Variants in STK3 observed in about 807,000 individuals in gnomAD.
STK3 encodes the protein serine/threonine-protein kinase 3.
In STK3, 41 loss-of-function variants were observed where a neutral mutation model predicts 58.0. The observed-to-expected ratio is 0.71, with a 90% CI of 0.55 to 0.92. STK3 has a LOEUF of 0.92. Ranked by LOEUF, STK3 falls within the 40% of genes least tolerant of loss-of-function variation. The pLI is 0.00. For missense variants in STK3, 479 were observed against 602.7 expected, an observed-to-expected ratio of 0.79 and a Z score of 2.15; for synonymous variants, 170 against 191.0, an observed-to-expected ratio of 0.89 and a Z score of 0.91.
intron 3 of STK3, chr8:98,413,018 T>C (rs78350969): frequency 9.0e-6 from 2 of 221,408 alleles, no homozygotes; most frequent in Non-Finnish European, 1.8e-5. Context: ...TTTGTTTTGC[T>C]TTGTTTTTGT....
intron 4 of STK3, among the ~76,000 whole-genome samples, chr8:98,714,962 C>G (rs1411670477): frequency 6.6e-6 from 1 of 152,108 alleles, no homozygotes; most frequent in Admixed American, 6.5e-5. Context: ...GAACAGAGCC[C>G]TCAGAAATAA....
At chr8:98,700,780 C>G (rs1273085873) in intron 6 of STK3, among the ~76,000 whole-genome samples, 4 of 152,140 alleles carry the variant, frequency 2.6e-5, no homozygotes, top group Non-Finnish European at 4.4e-5. Flanking sequence ...AGGTACTTCT[C>G]CTGCTGTCCA....
chr8:98,883,757 T>C (rs960145591), exon 2 of STK3: 2 of 702,712 alleles, frequency 2.8e-6, no homozygotes, highest in African/African-American at 3.5e-5. Context: ...GTTGTAACAT[T>C]TCCTCCACTG....
intron 1 of STK3, among the ~76,000 whole-genome samples, chr8:98,933,084 C>T (rs1024257533): frequency 3.3e-5 from 5 of 152,324 alleles, no homozygotes; most frequent in African/African-American, 4.8e-5. Context: ...AACTCCAACA[C>T]ATAGAATGGG....
At chr8:98,772,383 T>C (rs1831372068) in intron 2 of STK3, among the ~76,000 whole-genome samples, 1 of 152,124 alleles carries the variant, frequency 6.6e-6, no homozygotes, top group African/African-American at 2.4e-5. Context: ...ATGGTGAGTT[T>C]TCACAGGATG....
At chr8:98,436,003 C>G (rs970214554) in intron 2 of STK3, among the ~76,000 whole-genome samples, 1 of 152,186 alleles carries the variant, frequency 6.6e-6, no homozygotes, top group Non-Finnish European at 1.5e-5. Context: ...CTGTGACCGG[C>G]CTCTGTTCCC....
At chr8:98,350,350 C>A in the STK3 span, among the ~76,000 whole-genome samples, 1 of 152,228 alleles carries the variant, frequency 6.6e-6, no homozygotes, top group East Asian at 1.9e-4. Flanking sequence ...GTATCATTAT[C>A]AGCATTTTGG....
At chr8:98,920,717 C>T (rs1839526254) in intron 1 of STK3, among the ~76,000 whole-genome samples, 1 of 151,920 alleles carries the variant, frequency 6.6e-6, no homozygotes, top group South Asian at 2.1e-4. Flanking sequence ...CAGCCATGCT[C>T]ACTGCCTGGC....
intron 6 of STK3, among the ~76,000 whole-genome samples, chr8:98,699,748 C>T (rs1429980494): frequency 5.9e-5 from 9 of 152,264 alleles, no homozygotes; most frequent in East Asian, 1.9e-4. Flanking sequence ...AGTACCCGGC[C>T]GTGTGAGGTG....
At chr8:98,345,750 C>G in the STK3 span, among the ~76,000 whole-genome samples, 1 of 151,918 alleles carries the variant, frequency 6.6e-6, no homozygotes, top group South Asian at 2.1e-4. Context: ...AACAGGACAC[C>G]AAAATAGTTT....
At chr8:98,738,220 C>G (rs1056369290) in intron 4 of STK3, among the ~76,000 whole-genome samples, 1 of 152,148 alleles carries the variant, frequency 6.6e-6, no homozygotes, top group Non-Finnish European at 1.5e-5. Context: ...GCTCATGCCT[C>G]TAATCTCAAC....
At chr8:98,462,715 C>G (rs1011872506) in intron 10 of STK3, among the ~76,000 whole-genome samples, 1 of 152,162 alleles carries the variant, frequency 6.6e-6, no homozygotes, top group East Asian at 1.9e-4. Context: ...TCATTCACAT[C>G]TTGAATAGTT....
chr8:98,755,526 A>G (rs1382205814), intron 3 of STK3, among the ~76,000 whole-genome samples: 3 of 152,230 alleles, frequency 2.0e-5, no homozygotes, highest in African/African-American at 7.2e-5. Context: ...GCACTGGAGT[A>G]TGTGAAAAAC....
intron 1 of STK3, among the ~76,000 whole-genome samples, chr8:98,931,181 G>A (rs902918836): frequency 1.3e-5 from 2 of 152,166 alleles, no homozygotes; most frequent in South Asian, 2.1e-4. Context: ...AGTGGCCAAG[G>A]GATGAGCTGA....
chr8:98,702,735 G>A (rs1051416801), intron 6 of STK3, among the ~76,000 whole-genome samples: 3 of 152,108 alleles, frequency 2.0e-5, no homozygotes, highest in Non-Finnish European at 4.4e-5. Flanking sequence ...AGAACTCTGT[G>A]AGGATGAATG....
At chr8:98,485,041 A>G (rs1000843132) in intron 10 of STK3, among the ~76,000 whole-genome samples, 56 of 152,178 alleles carry the variant, frequency 3.7e-4, no homozygotes, top group African/African-American at 1.3e-3. Flanking sequence ...GGAGTTCAAG[A>G]TCAGCCTAGC....
chr8:98,410,272 A>G (rs1217714200), intron 3 of STK3, among the ~76,000 whole-genome samples: 1 of 152,182 alleles, frequency 6.6e-6, no homozygotes, highest in Non-Finnish European at 1.5e-5. Flanking sequence ...GTGAAAACAC[A>G]TGTGGACTCA....
intron 10 of STK3, among the ~76,000 whole-genome samples, chr8:98,458,734 A>G (rs1032806184): frequency 1.3e-5 from 2 of 152,116 alleles, no homozygotes; most frequent in African/African-American, 4.8e-5. Flanking sequence ...TGATGGTTTT[A>G]TAAGGGGCCC....
intron 10 of STK3, among the ~76,000 whole-genome samples, chr8:98,499,983 T>C (rs1368586845): frequency 6.6e-6 from 1 of 152,090 alleles, no homozygotes; most frequent in African/African-American, 2.4e-5. Context: ...CCTCAAGATA[T>C]TCATGCCCTG....
Sources: gnomAD v4.1 joint callset for allele counts (sites outside exome capture counted in the v4.1 genomes callset) on GRCh38, gnomAD v4.1.1 for gene constraint, MANE v1.5 for transcripts, NCBI Gene and HGNC (gene_info 2026-07-23, HGNC 2026-07-21) for gene names.